The following CSMD3 variants were observed in gnomAD, a reference collection of about 807,000 sequenced individuals.
CSMD3 encodes CUB and Sushi multiple domains 3.
A neutral mutation model predicts 435.2 loss-of-function variants in CSMD3; 177 were observed. That is an observed-to-expected ratio of 0.41 (90% CI 0.36 to 0.46). The LOEUF (loss-of-function observed/expected upper bound fraction) is 0.46. Ranked by LOEUF, CSMD3 falls within the 20% of genes least tolerant of loss-of-function variation. The pLI, the probability that CSMD3 is intolerant of heterozygous loss-of-function variation, is 0.34. For missense variants in CSMD3, 4,265 were observed against 4,504.6 expected (o/e 0.95, Z 1.52); for synonymous variants, 1,656 against 1,520.5 (o/e 1.09, Z -2.07).
intron 12 of CSMD3, among the ~76,000 whole-genome samples, chr8:112,821,371 T>C (rs1213777376): frequency 6.6e-6 from 1 of 152,180 alleles, no homozygotes; most frequent in Non-Finnish European, 1.5e-5. Context: ...TATCTCACTG[T>C]GGTTTTGATT....
At chr8:113,008,695 C>T (rs971392768) in intron 6 of CSMD3, among the ~76,000 whole-genome samples, 2 of 151,538 alleles carry the variant, frequency 1.3e-5, no homozygotes, top group African/African-American at 2.4e-5. Context: ...GAACATGCAT[C>T]TTTCTAGTAC....
intron 4 of CSMD3, among the ~76,000 whole-genome samples, chr8:113,141,215 A>T (rs2091540626): frequency 6.6e-6 from 1 of 150,826 alleles, no homozygotes; most frequent in South Asian, 2.1e-4. Context: ...AAGTTTAATA[A>T]GTACAAATGC....
chr8:112,286,867 T>C (rs996129968), intron 58 of CSMD3, among the ~76,000 whole-genome samples, 197 bp downstream of exon 58: 2 of 152,102 alleles, frequency 1.3e-5, no homozygotes, highest in African/African-American at 4.8e-5. Context: ...ATATGACCAA[T>C]GAGGGTTTTT....
chr8:112,602,665 C>T (rs1490192801), intron 22 of CSMD3, among the ~76,000 whole-genome samples: 5 of 151,348 alleles, frequency 3.3e-5, no homozygotes, highest in African/African-American at 1.2e-4. Flanking sequence ...CACAGCATCA[C>T]CGATAACATA....
At chr8:113,212,779 C>T (rs555368056) in intron 3 of CSMD3, among the ~76,000 whole-genome samples, 2 of 151,550 alleles carry the variant, frequency 1.3e-5, no homozygotes, top group South Asian at 2.1e-4. Flanking sequence ...AGGAGATATA[C>T]CTAATGTAAA....
chr8:113,346,674 T>C (rs1047407418), intron 1 of CSMD3, among the ~76,000 whole-genome samples: 1 of 151,890 alleles, frequency 6.6e-6, no homozygotes, highest in African/African-American at 2.4e-5. Context: ...CTATTTCCTA[T>C]CTCCAGTCAA....
At chr8:112,692,761 A>G (rs2076164032) in intron 13 of CSMD3, among the ~76,000 whole-genome samples, 1 of 152,182 alleles carries the variant, frequency 6.6e-6, no homozygotes, top group Non-Finnish European at 1.5e-5. Flanking sequence ...TGTGGTCCAA[A>G]AATAGGTAAG....
chr8:112,329,209 T>C (rs1479336499), intron 45 of CSMD3, among the ~76,000 whole-genome samples: 2 of 152,182 alleles, frequency 1.3e-5, no homozygotes, highest in Non-Finnish European at 2.9e-5. Flanking sequence ...GACCTGGCTC[T>C]AATTGATAGG....
intron 1 of CSMD3, among the ~76,000 whole-genome samples, chr8:113,399,502 T>C (rs745709255): frequency 2.0e-5 from 3 of 151,858 alleles, no homozygotes; most frequent in Non-Finnish European, 4.4e-5. Flanking sequence ...TGCAACATGG[T>C]TGAACCTGGA....
chr8:112,817,197 T>G (rs1407615062), intron 12 of CSMD3, among the ~76,000 whole-genome samples: 1 of 152,062 alleles, frequency 6.6e-6, no homozygotes, highest in African/African-American at 2.4e-5. Flanking sequence ...TAGTGACACA[T>G]GCAAAAGAAA....
At chr8:113,357,752 G>C (rs555699129) in intron 1 of CSMD3, among the ~76,000 whole-genome samples, 1 of 152,294 alleles carries the variant, frequency 6.6e-6, no homozygotes, top group South Asian at 2.1e-4. Context: ...TCTTGCTGTT[G>C]TCATGATAGC....
chr8:112,404,160 G>A (rs1319612004), intron 35 of CSMD3, among the ~76,000 whole-genome samples: 1 of 151,972 alleles, frequency 6.6e-6, no homozygotes, highest in African/African-American at 2.4e-5. Context: ...CATTATCCTA[G>A]CACAATTGTT....
chr8:112,919,199 C>A (rs968276874), intron 10 of CSMD3, among the ~76,000 whole-genome samples: 1 of 151,506 alleles, frequency 6.6e-6, no homozygotes, highest in East Asian at 1.9e-4. Context: ...TTTTATACTT[C>A]CTATATAATA....
intron 4 of CSMD3, among the ~76,000 whole-genome samples, chr8:113,136,465 A>G (rs529469058): frequency 1.3e-5 from 2 of 151,690 alleles, no homozygotes; most frequent in African/African-American, 4.8e-5. Flanking sequence ...TTTAAAGGTC[A>G]TGGTGTTAGA....
intron 5 of CSMD3, among the ~76,000 whole-genome samples, chr8:113,083,327 G>T (rs191549638): frequency 6.6e-6 from 1 of 152,200 alleles, no homozygotes; most frequent in Non-Finnish European, 1.5e-5. Context: ...GGGAGAGAAT[G>T]AGATGATATA....
At chr8:113,326,971 T>G (rs2093988510) in intron 1 of CSMD3, among the ~76,000 whole-genome samples, 1 of 152,194 alleles carries the variant, frequency 6.6e-6, no homozygotes, top group African/African-American at 2.4e-5. Context: ...TTCTTTAGGT[T>G]GTACCTAAGT....
chr8:112,692,715 C>A (rs1387770432), intron 13 of CSMD3, among the ~76,000 whole-genome samples: 1 of 152,092 alleles, frequency 6.6e-6, no homozygotes, highest in East Asian at 1.9e-4. Context: ...TCTTTATCTG[C>A]ATTTTGCTTT....
At chr8:112,455,542 C>T (rs1240802178) in intron 32 of CSMD3, among the ~76,000 whole-genome samples, 1 of 151,864 alleles carries the variant, frequency 6.6e-6, no homozygotes, top group Non-Finnish European at 1.5e-5. Context: ...CAAATCTGCA[C>T]ATGTAGTCCC....
rs569132434 is a variant in CSMD3, at chr8:112,803,959, C to A, written c.1860-3685G>T. Among the ~76,000 whole-genome samples the A allele has an allele frequency of 3.3e-5, 5 of 152,250 alleles. No individual in the cohort carries two copies. The South Asian group carries it at 1.0e-3, about 32-fold the overall frequency. On this transcript the variant is annotated intron_variant, in intron 12 of 70. Coordinates refer to ENST00000297405, the MANE Select transcript of CSMD3 (RefSeq NM_198123.2). Reference sequence around the variant, plus strand: ...GGGACCAGAAGATCACCCATTGAACCAAGAGGTAGATAACTGTTCATCACC... The same window carrying A: ...GGGACCAGAAGATCACCCATTGAACAAAGAGGTAGATAACTGTTCATCACC...
Sources: gnomAD v4.1 joint callset for allele counts (sites outside exome capture counted in the v4.1 genomes callset) on GRCh38, gnomAD v4.1.1 for gene constraint, MANE v1.5 for transcripts, NCBI Gene and HGNC (gene_info 2026-07-23, HGNC 2026-07-21) for gene names.